AGPAT4: variants seen among roughly 807,000 people sequenced by gnomAD.
The protein encoded by AGPAT4 is 1-acyl-sn-glycerol-3-phosphate acyltransferase delta.
Under a neutral mutation model 48.0 loss-of-function variants are expected in AGPAT4, and 15 were observed. The ratio of observed to expected loss-of-function variants is 0.31; its 90% CI spans 0.21 to 0.48. The LOEUF is 0.48. Ranked by LOEUF, AGPAT4 falls within the 20% of genes least tolerant of loss-of-function variation. The pLI is 0.99. For synonymous variants in AGPAT4, 178 were observed against 198.7 expected, an observed-to-expected ratio of 0.90 and a Z score of 0.88; for missense variants, 314 against 482.5, an observed-to-expected ratio of 0.65 and a Z score of 3.27.
rs943588654 is a variant in AGPAT4 at position 161,259,406 on chromosome 6, G to A, written c.-90+14532C>T. On this transcript the variant is annotated intron_variant, in intron 1 of 8. Coordinates refer to ENST00000320285, the MANE Select transcript of AGPAT4 (RefSeq NM_020133.3). This position sits in a 1 kb window ranked among gnomAD's most constrained non-coding sequence, Gnocchi z 4.9. The stretch of plus-strand genomic sequence containing the variant: ...ATATGACCTTGGCTGTCCGCAGCGC[G>A]TATGCTTTGAGTTGCTGGTGATCAC... Among the ~76,000 whole-genome samples the A allele has an allele frequency of 2.0e-5, 3 of 152,068 alleles. No individual in the cohort carries two copies. Among genetic ancestry groups the A allele is most frequent in the South Asian group, 4.1e-4 (2 of 4,822 alleles).
In AGPAT4 at chr6:161,144,486, A is replaced by G. The variant is rs1478787068; in HGVS notation, c.843+2038T>C. On this transcript the variant is annotated intron_variant, in intron 7 of 8. Transcript: ENST00000320285. This position sits in a 1 kb window ranked among gnomAD's most constrained non-coding sequence, Gnocchi z 6.6. Reference sequence around the variant, plus strand: ...ACACCCTAAGAGACTTTTAACAAGAAGGAGATGTGCCTCTCAGCTTGGTTT... The same window carrying G: ...ACACCCTAAGAGACTTTTAACAAGAGGGAGATGTGCCTCTCAGCTTGGTTT... Among the ~76,000 whole-genome samples the G allele has an allele frequency of 6.6e-6, 1 of 152,202 alleles. No homozygotes were observed. Among genetic ancestry groups the G allele is most frequent in the African/African-American group, 2.4e-5 (1 of 41,454 alleles).
chr6:161,261,347 G>A lies in AGPAT4; in HGVS notation c.-90+12591C>T, dbSNP rs1022942393. ...ACGTTGACAAGTGCTATTTCCCTTC[G>A]TGTGTATATCTGCCATCCCACGAAG... On this transcript the variant is annotated intron_variant, in intron 1 of 8. Transcript: ENST00000320285. The surrounding 1 kb of genome is among the most constrained non-coding windows in gnomAD (Gnocchi z 5.3). Among the ~76,000 whole-genome samples, 4 of 152,186 alleles carry A rather than the reference G, an allele frequency of 2.6e-5. No homozygotes were observed. Among genetic ancestry groups the A allele is most frequent in the Non-Finnish European group, 5.9e-5 (4 of 68,040 alleles).
At position 161,130,863 on chromosome 6, in the gene AGPAT4, T is replaced by G. The variant is rs1238282210; in HGVS notation, c.*5677A>C. 1.9e-6 allele frequency: 1 copy of G among 519,064 alleles called. No homozygotes were observed. Among genetic ancestry groups the G allele is most frequent in the Non-Finnish European group, 3.8e-6 (1 of 259,864 alleles). The allele number at this position is 519,064 out of a possible 1,614,324, so 32.2% of individuals were successfully genotyped here. A position where few individuals can be genotyped will look rare whatever the true frequency, so the allele number is the denominator to read the frequency against. The stretch of plus-strand genomic sequence containing the variant: ...GTACTAGTTCATCAACTTTCCTTCC[T>G]CATGATCTGCAAAGATACAGAGAGA... On this transcript the variant is annotated 3_prime_UTR_variant, in exon 9 of 9. Coordinates refer to ENST00000320285, the MANE Select transcript of AGPAT4 (RefSeq NM_020133.3).
rs1214484043 is a variant in AGPAT4, at chr6:161,169,476, CT to C, written c.179-3060del. On this transcript the variant is annotated intron_variant, in intron 2 of 8. Transcript: ENST00000320285. This position sits in a 1 kb window ranked among gnomAD's most constrained non-coding sequence, Gnocchi z 5.0. ...ATTTCCCTTTTTTGTTTTTTCCTTTCTTTTTTTTGAGATGGTGTGTCACTCT... is the reference window on the plus strand; with the variant it reads ...ATTTCCCTTTTTTGTTTTTTCCTTTCTTTTTTTGAGATGGTGTGTCACTCT... Among the ~76,000 whole-genome samples, 1 of 151,788 alleles carries C rather than the reference CT, an allele frequency of 6.6e-6. No homozygotes were observed. The highest frequency in any genetic ancestry group is 2.4e-5 in the African/African-American group (1 of 41,312).
At position 161,214,375 on chromosome 6, in the gene AGPAT4, G is replaced by T. The variant is rs867521422; in HGVS notation, c.178+17661C>A. On this transcript the variant is annotated intron_variant, in intron 2 of 8. Coordinates refer to ENST00000320285, the MANE Select transcript of AGPAT4 (RefSeq NM_020133.3). This position sits in a 1 kb window ranked among gnomAD's most constrained non-coding sequence, Gnocchi z 5.4. Reference sequence around the variant, plus strand: ...CTGAGGCCTGTCTCAAATTTTGGGGGTTTCAGAAGCCTGTTGCTCCTAGGC... The same window carrying T: ...CTGAGGCCTGTCTCAAATTTTGGGGTTTTCAGAAGCCTGTTGCTCCTAGGC... 4.6e-5 allele frequency among the ~76,000 whole-genome samples: 7 copies of T among 152,164 alleles called. No individual in the cohort carries two copies. Among genetic ancestry groups the T allele is most frequent in the African/African-American group, 1.7e-4 (7 of 41,436 alleles).
intron 1 of AGPAT4, among the ~76,000 whole-genome samples, chr6:161,241,218 G>C (rs553699586): frequency 7.0e-6 from 1 of 143,698 alleles, no homozygotes; most frequent in Non-Finnish European, 1.5e-5. Context: ...ACCCAAGATC[G>C]CGCCATTGCA....
In AGPAT4 at chr6:161,243,106, A is replaced by G. The variant is rs967988931; in HGVS notation, c.-89-10804T>C. Among the ~76,000 whole-genome samples, 8 of 152,164 alleles carry G rather than the reference A, an allele frequency of 5.3e-5. No individual in the cohort carries two copies. Among genetic ancestry groups the G allele is most frequent in the Non-Finnish European group, 1.2e-4 (8 of 68,026 alleles). The stretch of plus-strand genomic sequence containing the variant: ...TTTAAAAAAAAATGAAACTTTTTCA[A>G]ACATGGAAAGAAGGCAGAATGCATG... On this transcript the variant is annotated intron_variant, in intron 1 of 8. Transcript: ENST00000320285. This position sits in a 1 kb window ranked among gnomAD's most constrained non-coding sequence, Gnocchi z 4.8.
At chr6:161,183,280 A>C (rs566004559) in intron 2 of AGPAT4, among the ~76,000 whole-genome samples, 1 of 152,106 alleles carries the variant, frequency 6.6e-6, no homozygotes, top group South Asian at 2.1e-4. Flanking sequence ...AAACAATCCT[A>C]GTGGCCAAGC....
In AGPAT4 at chr6:161,165,570, G is replaced by A. The variant is rs898066339; in HGVS notation, c.348+678C>T. 43 of 1,289,926 alleles carry A rather than the reference G, an allele frequency of 3.3e-5. No homozygotes were observed. Among genetic ancestry groups the A allele is most frequent in the South Asian group, 2.8e-4 (22 of 79,946 alleles). The allele number at this position is 1,289,926 out of a possible 1,614,324, so 79.9% of individuals were successfully genotyped here. A position where few individuals can be genotyped will look rare whatever the true frequency, so the allele number is the denominator to read the frequency against. ...ACACTGTGTACACTGTGATTCCTAC[G>A]GAATACCTGAGTACCGCAGATGACT... On this transcript the variant is annotated intron_variant, in intron 3 of 8. Coordinates refer to ENST00000320285, the MANE Select transcript of AGPAT4 (RefSeq NM_020133.3). This position sits in a 1 kb window ranked among gnomAD's most constrained non-coding sequence, Gnocchi z 5.5.
chr6:161,237,861 C>T (rs968793847), intron 1 of AGPAT4, among the ~76,000 whole-genome samples: 1 of 152,036 alleles, frequency 6.6e-6, no homozygotes, highest in Non-Finnish European at 1.5e-5. Context: ...TGGGCATATG[C>T]CACAAAAGTG....
chr6:161,232,288 G>C lies in AGPAT4; in HGVS notation c.-75C>G. The C allele has an allele frequency of 7.0e-7, 1 of 1,422,682 alleles. No individual in the cohort carries two copies. Among genetic ancestry groups the C allele is most frequent in the Non-Finnish European group, 9.6e-7 (1 of 1,046,220 alleles). The allele number at this position is 1,422,682 out of a possible 1,614,324, so 88.1% of individuals were successfully genotyped here. ...ATTTCCAGAAGGAAGAAAGATCCAG[G>C]ACTCAGGAAGGCGTCTAAAACACAA... is the stretch of plus-strand genomic sequence containing the variant. On this transcript the variant is annotated 5_prime_UTR_variant, in exon 2 of 9. Coordinates refer to ENST00000320285, the MANE Select transcript of AGPAT4 (RefSeq NM_020133.3). This position sits in a 1 kb window ranked among gnomAD's most constrained non-coding sequence, Gnocchi z 6.8.
rs574877874 is a variant in AGPAT4, at chr6:161,146,603, C to A, written c.768-4G>T. ...GATGTCTTCCAGTGGGATCCTCCTG[C>A]AAAGGCAGAGAGCAGCTAGCAGAGA... On this transcript the variant is annotated splice_polypyrimidine_tract_variant and splice_region_variant and intron_variant, in intron 6 of 8. Coordinates refer to ENST00000320285, the MANE Select transcript of AGPAT4 (RefSeq NM_020133.3). This position sits in a 1 kb window ranked among gnomAD's most constrained non-coding sequence, Gnocchi z 7.1. The A allele has an allele frequency of 8.1e-6, 13 of 1,614,062 alleles. No homozygotes were observed. In the East Asian group the frequency reaches 2.9e-4, roughly 36 times the overall value.
At chr6:161,247,990 A>AG (rs1194294725) in intron 1 of AGPAT4, among the ~76,000 whole-genome samples, 1 of 149,862 alleles carries the variant, frequency 6.7e-6, no homozygotes, top group Non-Finnish European at 1.5e-5. Context: ...TCAAAAAAAA[A>AG]AAAAAAAAAA....
rs909285098 is a variant in AGPAT4, at chr6:161,272,385, T to G, written c.-90+1553A>C. ...TAAGAGTCATGAATGGGATTACTAC[T>G]TATCTATTTTATAAAAGCTAATTAT... is the stretch of plus-strand genomic sequence containing the variant. On this transcript the variant is annotated intron_variant, in intron 1 of 8. Transcript: ENST00000320285. This position sits in a 1 kb window ranked among gnomAD's most constrained non-coding sequence, Gnocchi z 4.2. 6.6e-6 allele frequency among the ~76,000 whole-genome samples: 1 copy of G among 152,198 alleles called. No homozygotes were observed. Among genetic ancestry groups the G allele is most frequent in the African/African-American group, 2.4e-5 (1 of 41,466 alleles).
rs959139223 is a variant in AGPAT4 at position 161,220,146 on chromosome 6, A to G, written c.178+11890T>C. Among the ~76,000 whole-genome samples, 2 of 152,174 alleles carry G rather than the reference A, an allele frequency of 1.3e-5. No individual in the cohort carries two copies. The highest frequency in any genetic ancestry group is 2.9e-5 in the Non-Finnish European group (2 of 68,032). ...CATTTGGATATTTAATGTGCTTCCA[A>G]TCACCAGGTATGTCAGCCACACAGC... On this transcript the variant is annotated intron_variant, in intron 2 of 8. Coordinates refer to ENST00000320285, the MANE Select transcript of AGPAT4 (RefSeq NM_020133.3). This position sits in a 1 kb window ranked among gnomAD's most constrained non-coding sequence, Gnocchi z 6.0.
chr6:161,223,036 T>A lies in AGPAT4; in HGVS notation c.178+9000A>T, dbSNP rs1781873200. Among the ~76,000 whole-genome samples the A allele has an allele frequency of 6.6e-6, 1 of 152,190 alleles. No homozygotes were observed. The highest frequency in any genetic ancestry group is 2.4e-5 in the African/African-American group (1 of 41,448). ...TGATGCTGCTTCACGGGGACGTCGC[T>A]GCGCCCTGCACAGGATGGCTGGGCT... On this transcript the variant is annotated intron_variant, in intron 2 of 8. Transcript: ENST00000320285. The surrounding 1 kb of genome is among the most constrained non-coding windows in gnomAD (Gnocchi z 6.3).
chr6:161,187,493 G>C (rs1780801844), intron 2 of AGPAT4, among the ~76,000 whole-genome samples: 1 of 151,324 alleles, frequency 6.6e-6, no homozygotes. Context: ...GGATGGTATG[G>C]TCCTGAAGCC....
intron 1 of AGPAT4, among the ~76,000 whole-genome samples, chr6:161,248,634 A>G (rs1209904343): frequency 6.6e-6 from 1 of 151,912 alleles, no homozygotes; most frequent in African/African-American, 2.4e-5. Context: ...AGATCGCTAC[A>G]AGGAGAACTA....
rs1016889908 is a variant in AGPAT4 at position 161,255,430 on chromosome 6, G to A, written c.-90+18508C>T. Among the ~76,000 whole-genome samples, 8 of 152,136 alleles carry A rather than the reference G, an allele frequency of 5.3e-5. No homozygotes were observed. Among genetic ancestry groups the A allele is most frequent in the African/African-American group, 1.2e-4 (5 of 41,414 alleles). On this transcript the variant is annotated intron_variant, in intron 1 of 8. Coordinates refer to ENST00000320285, the MANE Select transcript of AGPAT4 (RefSeq NM_020133.3). The surrounding 1 kb of genome is among the most constrained non-coding windows in gnomAD (Gnocchi z 4.7). The stretch of plus-strand genomic sequence containing the variant: ...CAAAATCTTGTACACCCACGTTCAC[G>A]GCAGCGTTGCTCTCGATAGCCAAAG...
Sources: gnomAD v4.1 joint callset for allele counts (sites outside exome capture counted in the v4.1 genomes callset) on GRCh38, gnomAD v4.1.1 for gene constraint, Gnocchi (gnomAD v3.1) non-coding constraint, MANE v1.5 for transcripts, NCBI Gene and HGNC (gene_info 2026-07-23, HGNC 2026-07-21) for gene names.